SUSD5: variants seen among roughly 807,000 people sequenced by gnomAD.
The protein encoded by SUSD5 is sushi domain containing 5.
A neutral mutation model predicts 29.5 loss-of-function variants in SUSD5; 33 were observed. The observed-to-expected ratio is 1.12, with a 90% confidence interval of 0.85 to 1.49. The LOEUF is 1.49. Ranked by LOEUF, SUSD5 falls within the 40% of genes most tolerant of loss-of-function variation. The pLI, the probability that SUSD5 is intolerant of heterozygous loss-of-function variation, is 0.00. For synonymous variants in SUSD5, 308 were observed against 325.3 expected, an observed-to-expected ratio of 0.95 and a Z score of 0.57; for missense variants, 776 against 800.6, an observed-to-expected ratio of 0.97 and a Z score of 0.37.
chr3:33,218,784 C>A lies in SUSD5; in HGVS notation c.14G>T (p.Gly5Val), dbSNP rs901823816. Reference protein sequence around the residue: MTAEGPSPPARWHRR... With the variant: MTAEVPSPPARWHRR... The stretch of plus-strand genomic sequence containing the variant: ...GTGCCAACGGGCAGGCGGGCTGGGT[C>A]CCTCGGCAGTCATGGTCCGGGAGTG... Residue 5 changes from glycine (G) to valine (V), a missense_variant, in exon 1 of 5, where the codon GGA becomes GTA. Gly to Val is a moderately radical substitution (Grantham distance 109, BLOSUM62 -3). Transcript: ENST00000309558. 1 of 1,443,522 alleles carries A rather than the reference C, an allele frequency of 6.9e-7. No homozygotes were observed. The highest frequency in any genetic ancestry group is 9.1e-7 in the Non-Finnish European group (1 of 1,104,438). 89.4% of individuals were successfully genotyped at this position (1,443,522 alleles called of 1,614,324 possible).
chr3:33,156,058 TGA>T (rs1374112359), intron 4 of SUSD5, among the ~76,000 whole-genome samples: 27 of 151,944 alleles, frequency 1.8e-4, no homozygotes, highest in African/African-American at 5.8e-4. Flanking sequence ...TTTTTTTTTT[TGA>T]GAGAGAGTCT....
chr3:33,204,622 GTTTTA>G lies in SUSD5; in HGVS notation c.409+3181_409+3185del, dbSNP rs1480941026. On this transcript the variant is annotated intron_variant, in intron 3 of 4. Coordinates refer to ENST00000309558, the MANE Select transcript of SUSD5 (RefSeq NM_015551.2). This position sits in a 1 kb window ranked among gnomAD's most constrained non-coding sequence, Gnocchi z 4.5. ...AGGCTTGAGCCACCACACCCGGCCT[GTTTTA>G]TTTTGTTTTGTTTTGTTTTGTTTTG... Among the ~76,000 whole-genome samples, 12 of 108,702 alleles carry G rather than the reference GTTTTA, an allele frequency of 1.1e-4. No individual in the cohort carries two copies. Among genetic ancestry groups the G allele is most frequent in the Non-Finnish European group, 1.1e-4 (6 of 53,930 alleles). The allele number at this position is 108,702 out of a possible 152,430, so 71.3% of individuals were successfully genotyped here. A position where few individuals can be genotyped will look rare whatever the true frequency, so the allele number is the denominator to read the frequency against.
intron 1 of SUSD5, among the ~76,000 whole-genome samples, chr3:33,218,330 C>T (rs1264272192): frequency 2.0e-5 from 3 of 152,340 alleles, no homozygotes; most frequent in East Asian, 3.9e-4. Flanking sequence ...CGTTGAGAAA[C>T]TGAGGGACGG....
chr3:33,176,441 G>A (rs1484182690), intron 3 of SUSD5, among the ~76,000 whole-genome samples: 1 of 152,164 alleles, frequency 6.6e-6, no homozygotes, highest in African/African-American at 2.4e-5. Flanking sequence ...CAAAATGGCT[G>A]TACCATTTTG....
At chr3:33,156,505 G>A (rs1009654265) in intron 4 of SUSD5, among the ~76,000 whole-genome samples, 8 of 152,142 alleles carry the variant, frequency 5.3e-5, no homozygotes, top group Non-Finnish European at 1.2e-4. Context: ...AACTGGTCAG[G>A]AAAGCTCAAG....
chr3:33,192,818 A>AT lies in SUSD5; in HGVS notation c.409+14989_409+14990insA, dbSNP rs2031919448. Reference sequence around the variant, plus strand: ...GGTGACAGAGTGAGACTCTGTCAAAAAATATATATATATAATCTAATAATT... The same window carrying AT: ...GGTGACAGAGTGAGACTCTGTCAAAATAATATATATATATAATCTAATAATT... On this transcript the variant is annotated intron_variant, in intron 3 of 4. Transcript: ENST00000309558. Among the ~76,000 whole-genome samples the AT allele has an allele frequency of 7.7e-5, 10 of 129,792 alleles. No individual in the cohort carries two copies. The South Asian group carries it at 1.7e-3, about 21-fold the overall frequency. 85.1% of individuals were successfully genotyped at this position (129,792 alleles called of 152,430 possible). A position where few individuals can be genotyped will look rare whatever the true frequency, so the allele number is the denominator to read the frequency against.
chr3:33,179,236 T>C (rs966347192), intron 3 of SUSD5, among the ~76,000 whole-genome samples: 1 of 152,256 alleles, frequency 6.6e-6, no homozygotes, highest in Non-Finnish European at 1.5e-5. Flanking sequence ...CCTTTTAATG[T>C]CCATAGGATC....
At chr3:33,190,268 C>A in intron 3 of SUSD5, 1 of 164,060 alleles carries the variant, frequency 6.1e-6, no homozygotes, top group South Asian at 1.6e-4. Flanking sequence ...GCTATCAAGT[C>A]TGCCCTTTCT....
intron 3 of SUSD5, among the ~76,000 whole-genome samples, chr3:33,195,744 G>GAA (rs372643596): frequency 0.28 from 38,912 of 139,238 alleles, 5,763 homozygotes; most frequent in Non-Finnish European, 0.35. Context: ...CCATATAAAT[G>GAA]AAAAAAAAAA....
chr3:33,163,746 C>G (rs2031242024), intron 4 of SUSD5, among the ~76,000 whole-genome samples: 3 of 152,112 alleles, frequency 2.0e-5, no homozygotes, highest in Non-Finnish European at 2.9e-5. Context: ...GCCTGTAATC[C>G]CAGCACTTTG....
intron 3 of SUSD5, among the ~76,000 whole-genome samples, chr3:33,188,935 TTCAGC>T (rs2031831587): frequency 6.6e-6 from 1 of 152,230 alleles, no homozygotes; most frequent in Admixed American, 6.5e-5. Flanking sequence ...CTGTAATTTA[TTCAGC>T]ATGAGGTATA....
At chr3:33,179,656 T>G (rs943368173) in intron 3 of SUSD5, among the ~76,000 whole-genome samples, 1 of 152,226 alleles carries the variant, frequency 6.6e-6, no homozygotes, top group Non-Finnish European at 1.5e-5. Context: ...TACGGCTTGC[T>G]TTGGGGTTTC....
intron 2 of SUSD5, among the ~76,000 whole-genome samples, chr3:33,211,105 G>A (rs143860916): frequency 5.4e-4 from 82 of 152,208 alleles, no homozygotes; most frequent in African/African-American, 1.9e-3. Flanking sequence ...TATTGGCCAG[G>A]CTGGTCTTGA....
chr3:33,210,216 G>A (rs141693468), intron 2 of SUSD5, among the ~76,000 whole-genome samples: 65 of 152,248 alleles, frequency 4.3e-4, no homozygotes, highest in African/African-American at 1.4e-3. Flanking sequence ...GAAATTCAGG[G>A]TCATCTCAAT....
intron 4 of SUSD5, among the ~76,000 whole-genome samples, chr3:33,165,590 T>C (rs1188455556): frequency 6.6e-6 from 1 of 152,206 alleles, no homozygotes; most frequent in East Asian, 1.9e-4. Context: ...ATTTGGCTGC[T>C]GAATGCCAAG....
intron 3 of SUSD5, among the ~76,000 whole-genome samples, chr3:33,181,770 G>A (rs1232390598): frequency 6.6e-6 from 1 of 152,138 alleles, no homozygotes; most frequent in Non-Finnish European, 1.5e-5. Context: ...GTTGCCTACA[G>A]TATTCAGTAC....
chr3:33,181,313 C>T (rs2125623083), intron 3 of SUSD5, among the ~76,000 whole-genome samples: 1 of 151,802 alleles, frequency 6.6e-6, no homozygotes, highest in Admixed American at 6.6e-5. Context: ...GCTGCAAGCG[C>T]CATGCATGGT....
chr3:33,199,777 C>A (rs575127652), intron 3 of SUSD5, among the ~76,000 whole-genome samples: 1 of 152,254 alleles, frequency 6.6e-6, no homozygotes, highest in South Asian at 2.1e-4. Flanking sequence ...TTAGGCCATG[C>A]TATGGTTCAA....
In SUSD5 at chr3:33,218,810, C is replaced by T. The variant is rs1448197623; in HGVS notation, c.-13G>A. The T allele has an allele frequency of 5.6e-6, 8 of 1,436,698 alleles. No individual in the cohort carries two copies. The East Asian group carries it at 1.2e-4, about 22-fold the overall frequency. 89.0% of individuals were successfully genotyped at this position (1,436,698 alleles called of 1,614,324 possible). On this transcript the variant is annotated 5_prime_UTR_variant, in exon 1 of 5. Coordinates refer to ENST00000309558, the MANE Select transcript of SUSD5 (RefSeq NM_015551.2). ...CCTCGGCAGTCATGGTCCGGGAGTG[C>T]GCGGGCCAGCGGACTCGGGTGAGGG... is the stretch of plus-strand genomic sequence containing the variant.
Sources: gnomAD v4.1 joint callset for allele counts (sites outside exome capture counted in the v4.1 genomes callset) on GRCh38, gnomAD v4.1.1 for gene constraint, Gnocchi (gnomAD v3.1) non-coding constraint, MANE v1.5 for transcripts, NCBI Gene and HGNC (gene_info 2026-07-23, HGNC 2026-07-21) for gene names.